Variants in CUEDC1 observed in about 807,000 individuals in gnomAD.
The protein encoded by CUEDC1 is CUE domain-containing protein 1.
A neutral mutation model predicts 43.7 loss-of-function variants in CUEDC1; 30 were observed. The observed-to-expected ratio is 0.69, with a 90% CI of 0.51 to 0.93. CUEDC1 has a LOEUF of 0.93. Among genes scored for constraint, CUEDC1 ranks in the 40% least tolerant of loss-of-function variants. The probability of loss-of-function intolerance (pLI) is 0.00; values close to 1 mark genes in which losing one functional copy is unlikely to be tolerated. For synonymous variants in CUEDC1, 223 were observed against 223.6 expected, an observed-to-expected ratio of 1.00 and a Z score of 0.02; for missense variants, 486 against 549.0, an observed-to-expected ratio of 0.89 and a Z score of 1.15.
Position 57,867,372 on chromosome 17 carries a change from C to A in CUEDC1, c.1078G>T (p.Glu360Ter). The A allele has an allele frequency of 1.3e-6, 2 of 1,552,318 alleles. No individual in the cohort carries two copies. Among genetic ancestry groups the A allele is most frequent in the Non-Finnish European group, 8.7e-7 (1 of 1,147,276 alleles). The change falls in exon 9 of 11, where the codon GAG (glutamate) becomes TAG (stop). Residue 360 changes from glutamate to a stop codon, truncating the protein, a stop_gained. Transcript: ENST00000577830. LOFTEE classifies it high-confidence loss of function. ...CCAGCCTCACCACACGCGTGGCCCT[C>A]CACATCATCCAGGAGGTTGGCTGTT... ...ASTANLLDDV[E>*]GHACDEDFRG...
chr17:57,895,372 AT>A (rs1297601035), intron 1 of CUEDC1, among the ~76,000 whole-genome samples: 5 of 152,218 alleles, frequency 3.3e-5, no homozygotes, highest in Admixed American at 3.3e-4. Context: ...TGTGAGTTAA[AT>A]TGAATACTAA....
At chr17:57,903,529 G>C (rs1342985377) in intron 1 of CUEDC1, 2 of 152,632 alleles carry the variant, frequency 1.3e-5, no homozygotes, top group African/African-American at 4.8e-5. Context: ...AACACACACA[G>C]GTCCCAGGTG....
chr17:57,883,806 A>G (rs563262438), intron 2 of CUEDC1, among the ~76,000 whole-genome samples: 1 of 152,198 alleles, frequency 6.6e-6, no homozygotes, highest in Non-Finnish European at 1.5e-5. Context: ...TCGGGACTCA[A>G]TAAAGAGTGG....
chr17:57,928,845 T>G (rs534664861), intron 1 of CUEDC1, among the ~76,000 whole-genome samples: 2 of 151,524 alleles, frequency 1.3e-5, no homozygotes, highest in Non-Finnish European at 2.9e-5. Flanking sequence ...AGTCAGGTCC[T>G]GTGGGATTAA....
intron 1 of CUEDC1, among the ~76,000 whole-genome samples, chr17:57,934,871 C>A (rs915815309): frequency 6.6e-6 from 1 of 152,098 alleles, no homozygotes; most frequent in Non-Finnish European, 1.5e-5. Flanking sequence ...CCATGCCCAG[C>A]TAATTTTTGT....
intron 1 of CUEDC1, among the ~76,000 whole-genome samples, chr17:57,910,085 C>G (rs558079569): frequency 6.6e-6 from 1 of 152,246 alleles, no homozygotes; most frequent in African/African-American, 2.4e-5. Flanking sequence ...AACTCCTGGG[C>G]TCAAGCAATC....
Position 57,924,377 on chromosome 17 carries a change from T to C in CUEDC1, c.-316+30848A>G, listed in dbSNP as rs933760581. On this transcript the variant is annotated intron_variant, in intron 1 of 10. Coordinates refer to ENST00000577830, the MANE Select transcript of CUEDC1 (RefSeq NM_001271875.2). ...CCTCGGCCTCCCAAAGTGCTGGGAT[T>C]ATAGGCGTGAGCCACCGCGCCGGGC... is the stretch of plus-strand genomic sequence containing the variant. 5.3e-5 allele frequency among the ~76,000 whole-genome samples: 8 copies of C among 152,178 alleles called. No homozygotes were observed. In the South Asian group the frequency reaches 1.7e-3, roughly 32 times the overall value.
intron 1 of CUEDC1, among the ~76,000 whole-genome samples, chr17:57,950,895 T>C (rs996758316): frequency 9.2e-5 from 14 of 152,182 alleles, no homozygotes; most frequent in Admixed American, 6.5e-5. Flanking sequence ...CATTCAACCC[T>C]TCTCACTGGT....
At position 57,874,441 on chromosome 17, in the gene CUEDC1, G is replaced by A. The variant is rs190736763; in HGVS notation, c.465-724C>T. On this transcript the variant is annotated intron_variant, in intron 3 of 10. Coordinates refer to ENST00000577830, the MANE Select transcript of CUEDC1 (RefSeq NM_001271875.2). ...CTCGCTCTCAGGGTGCTCTGGGGCC[G>A]CTCTTTCCAGGCCCGTTGTGTGTGT... Among the ~76,000 whole-genome samples, 75 of 152,314 alleles carry A rather than the reference G, an allele frequency of 4.9e-4. 1 individual carries two copies. The highest frequency in any genetic ancestry group is 1.7e-3 in the African/African-American group (72 of 41,582).
chr17:57,914,377 G>A (rs867285703), intron 1 of CUEDC1, among the ~76,000 whole-genome samples: 5 of 152,274 alleles, frequency 3.3e-5, no homozygotes, highest in South Asian at 2.1e-4. Context: ...TTGGGGGGTC[G>A]GGAGGAGCTA....
chr17:57,939,663 AC>A (rs2074897881), intron 1 of CUEDC1, among the ~76,000 whole-genome samples: 1 of 151,738 alleles, frequency 6.6e-6, no homozygotes, highest in Non-Finnish European at 1.5e-5. Flanking sequence ...GAAAGCTCCT[AC>A]CCCCTGGTGC....
chr17:57,868,693 G>A (rs1157570885), intron 7 of CUEDC1, among the ~76,000 whole-genome samples: 1 of 152,190 alleles, frequency 6.6e-6, no homozygotes, highest in African/African-American at 2.4e-5. Flanking sequence ...TTCACACATG[G>A]CTGTGGGTCT....
At chr17:57,878,367 C>T (rs1466563477) in intron 3 of CUEDC1, among the ~76,000 whole-genome samples, 1 of 152,158 alleles carries the variant, frequency 6.6e-6, no homozygotes, top group African/African-American at 2.4e-5. Flanking sequence ...CCGTTTCTGG[C>T]ATTGGAAGGG....
At chr17:57,867,206 G>A (rs935973926) in intron 9 of CUEDC1, 151 bp downstream of exon 9, 3 of 719,306 alleles carry the variant, frequency 4.2e-6, no homozygotes, top group Non-Finnish European at 7.4e-6. Context: ...ACCAAGTCAG[G>A]GGGATCCATA....
At chr17:57,890,517 C>G (rs75840637) in intron 1 of CUEDC1, among the ~76,000 whole-genome samples, 7,496 of 152,306 alleles carry the variant, frequency 0.049, 262 homozygotes, top group Middle Eastern at 0.082. Flanking sequence ...TCAAAGGCTC[C>G]CCTGAACTCA....
chr17:57,870,045 A>C (rs2074012759), intron 6 of CUEDC1: 2 of 152,464 alleles, frequency 1.3e-5, no homozygotes, highest in Admixed American at 1.3e-4. Context: ...CTTATGAGTC[A>C]GTTCCACAGG....
At chr17:57,927,445 T>TC (rs2074759222) in intron 1 of CUEDC1, among the ~76,000 whole-genome samples, 2 of 150,894 alleles carry the variant, frequency 1.3e-5, no homozygotes, top group Admixed American at 1.3e-4. Context: ...AGTCTGCTTC[T>TC]CCAGTGTTCA....
intron 4 of CUEDC1, 70 bp downstream of exon 4, chr17:57,873,521 C>T (rs575694089): frequency 1.9e-5 from 28 of 1,464,168 alleles, no homozygotes; most frequent in Middle Eastern, 3.7e-4. Flanking sequence ...CTGGCTGGCA[C>T]AAATTGTGTG....
At chr17:57,863,392 C>T (rs1056375776) in intron 10 of CUEDC1, 107 bp from the exon 11 acceptor site, 4 of 152,232 alleles carry the variant, frequency 2.6e-5, no homozygotes, top group Admixed American at 1.3e-4. Context: ...TTACTAAAGA[C>T]GTAAGCCCTC....
Sources: allele counts gnomAD v4.1 joint callset (sites outside exome capture counted in the v4.1 genomes callset), GRCh38; gene constraint gnomAD v4.1.1; transcripts MANE v1.5; gene names NCBI Gene and HGNC (gene_info 2026-07-23, HGNC 2026-07-21).